RBBP8NL: variants seen among roughly 807,000 people sequenced by gnomAD.
The protein encoded by RBBP8NL is RBBP8 N-terminal like, also known as RBBP8 N-terminal-like protein.
In RBBP8NL, 59 loss-of-function variants were observed where a neutral mutation model predicts 62.2. That is an observed-to-expected ratio of 0.95 (90% CI 0.77 to 1.18). The LOEUF (loss-of-function observed/expected upper bound fraction) is 1.18, where lower values mean the gene tolerates loss of function less well. Among genes scored for constraint, RBBP8NL ranks in the 50% most tolerant of loss-of-function variants. RBBP8NL has a pLI of 0.00. For synonymous variants in RBBP8NL, 412 were observed against 394.1 expected (o/e 1.05, Z -0.54); for missense variants, 896 against 899.5 (o/e 1.00, Z 0.05).
chr20:62,415,838 C>T lies in RBBP8NL; in HGVS notation c.494G>A (p.Gly165Asp), dbSNP rs1988551576. 2 of 1,612,422 alleles carry T rather than the reference C, an allele frequency of 1.2e-6. No individual in the cohort carries two copies. Among genetic ancestry groups the T allele is most frequent in the Middle Eastern group, 1.7e-4 (1 of 6,028 alleles). ...GTGGTCTTCCTCAGCCTCCTCGTGG[C>T]CTCCCGGTGGCTTCTCTGTGATGGC... ...WKAITEKPPG[G>D]HEEAEEDHQG... The change falls in exon 7 of 14, where the codon GGC becomes GAC. Residue 165 changes from glycine to aspartate, a missense_variant. Transcript: ENST00000252998.
rs544985213 is a variant in RBBP8NL at position 62,413,975 on chromosome 20, G to A, written c.1376C>T (p.Ala459Val). ...AGGGCTGAGTGACCCATGCTGGCCGGCCGGCTTGGGAGTGTCCTGGCCCCG... is the reference window on the plus strand; with the variant it reads ...AGGGCTGAGTGACCCATGCTGGCCGACCGGCTTGGGAGTGTCCTGGCCCCG... ...RARGQDTPKP[A>V]GQHGSLSPAA... The change falls in exon 10 of 14, where the codon GCC (alanine) becomes GTC (valine). Residue 459 changes from alanine (A) to valine (V), a missense_variant. By Grantham distance (64) the Ala-to-Val change is moderately conservative. Coordinates refer to ENST00000252998, the MANE Select transcript of RBBP8NL (RefSeq NM_080833.3). 170 of 1,570,888 alleles carry A rather than the reference G, an allele frequency of 1.1e-4. 1 individual carries two copies. The East Asian group carries it at 3.7e-3, about 34-fold the overall frequency.
intron 13 of RBBP8NL, 46 bp from the exon 14 acceptor site, chr20:62,411,042 T>C (rs1023658125): frequency 8.5e-6 from 11 of 1,289,360 alleles, no homozygotes; most frequent in Admixed American, 5.2e-5. Flanking sequence ...GTGCCTTCCT[T>C]TGAGGCAACA....
In RBBP8NL at chr20:62,416,900, G is replaced by T. The variant is rs778300243; in HGVS notation, c.201-28C>A. ...GCAGGGATGGGGACGCAGGGGGTGT[G>T]AGGGATGGCACGGAAGCCACAGAGG... On this transcript the variant is annotated intron_variant, in intron 4 of 13. Transcript: ENST00000252998. The T allele has an allele frequency of 1.0e-5, 15 of 1,502,524 alleles. No individual in the cohort carries two copies. In the Middle Eastern group the frequency reaches 1.4e-3, roughly 143 times the overall value. 93.1% of individuals were successfully genotyped at this position (1,502,524 alleles called of 1,614,324 possible).
intron 4 of RBBP8NL, 104 bp downstream of exon 4, chr20:62,417,120 T>C (rs957986363): frequency 6.9e-6 from 6 of 870,376 alleles, no homozygotes; most frequent in Non-Finnish European, 7.1e-6. Flanking sequence ...TGGTTCAGTT[T>C]ATCCTGGAGT....
At chr20:62,411,267 C>G (rs538680862) in intron 13 of RBBP8NL, among the ~76,000 whole-genome samples, 7 of 152,346 alleles carry the variant, frequency 4.6e-5, no homozygotes, top group Non-Finnish European at 7.3e-5. Context: ...CCCTTCCTGC[C>G]TTGGAGGGAG....
At chr20:62,423,428 T>G (rs1407534083) in intron 1 of RBBP8NL, among the ~76,000 whole-genome samples, 1 of 152,108 alleles carries the variant, frequency 6.6e-6, no homozygotes, top group Admixed American at 6.5e-5. Context: ...GGGAGGAAGA[T>G]GTCAGAGCCG....
intron 13 of RBBP8NL, among the ~76,000 whole-genome samples, chr20:62,411,329 C>T (rs1988430555): frequency 6.6e-6 from 1 of 152,168 alleles, no homozygotes; most frequent in Non-Finnish European, 1.5e-5. Context: ...GCAGGCCTGC[C>T]CCCGGGCTAG....
intron 1 of RBBP8NL, among the ~76,000 whole-genome samples, chr20:62,420,414 A>G (rs1001958285): frequency 6.6e-6 from 1 of 151,864 alleles, no homozygotes; most frequent in African/African-American, 2.4e-5. Context: ...TGCACACAAC[A>G]CACATGCACA....
In RBBP8NL at chr20:62,412,548, G is replaced by C. The variant is rs1344527366; in HGVS notation, c.1876+76C>G. On this transcript the variant is annotated intron_variant, in intron 13 of 13. Transcript: ENST00000252998. ...GCCATTCTCCAGGCAGCCAGGAGGA[G>C]AGGTGGCACTGGGGAGAGGTGGGTG... The C allele has an allele frequency of 3.2e-6, 5 of 1,538,934 alleles. No homozygotes were observed. In the Admixed American group the frequency reaches 8.7e-5, roughly 27 times the overall value.
At chr20:62,416,614 T>G (rs896640189) in intron 5 of RBBP8NL, 146 bp downstream of exon 5, 4 of 629,376 alleles carry the variant, frequency 6.4e-6, no homozygotes, top group Non-Finnish European at 1.1e-5. Context: ...TGTGTGTTTG[T>G]CTGTAGATTG....
At chr20:62,425,743 C>T (rs950617881) in intron 1 of RBBP8NL, among the ~76,000 whole-genome samples, 4 of 152,264 alleles carry the variant, frequency 2.6e-5, no homozygotes, top group African/African-American at 4.8e-5. Context: ...CAGCCACCGA[C>T]CCCCAGCAGG....
At position 62,416,558 on chromosome 20, in the gene RBBP8NL, G is replaced by A. The variant is rs186874198; in HGVS notation, c.313+202C>T. Among the ~76,000 whole-genome samples, 33 of 152,332 alleles carry A rather than the reference G, an allele frequency of 2.2e-4. 1 individual carries two copies. The highest frequency in any genetic ancestry group is 7.7e-4 in the African/African-American group (32 of 41,580). ...CCGGGATGCCCCCAGCCCAGGGGAG[G>A]GAGGCTGTGTTGAGGGAGGGCCACA... On this transcript the variant is annotated intron_variant, in intron 5 of 13. Coordinates refer to ENST00000252998, the MANE Select transcript of RBBP8NL (RefSeq NM_080833.3).
chr20:62,426,887 G>A lies in RBBP8NL; in HGVS notation c.-84+573C>T, dbSNP rs953351088. Among the ~76,000 whole-genome samples the A allele has an allele frequency of 4.6e-5, 7 of 152,352 alleles. No individual in the cohort carries two copies. The South Asian group carries it at 8.3e-4, about 18-fold the overall frequency. On this transcript the variant is annotated intron_variant, in intron 1 of 13. Transcript: ENST00000252998. Reference sequence around the variant, plus strand: ...CAGCCCTGCAACCTGACTCCCTCCCGGAGGTGGAGGTGGGCCGGGCTGCTC... The same window carrying A: ...CAGCCCTGCAACCTGACTCCCTCCCAGAGGTGGAGGTGGGCCGGGCTGCTC...
chr20:62,411,331 C>T (rs1988430600), intron 13 of RBBP8NL, among the ~76,000 whole-genome samples: 2 of 152,246 alleles, frequency 1.3e-5, no homozygotes, highest in African/African-American at 4.8e-5. Flanking sequence ...AGGCCTGCCC[C>T]CGGGCTAGGG....
intron 3 of RBBP8NL, among the ~76,000 whole-genome samples, chr20:62,417,714 A>G (rs532803939): frequency 1.3e-4 from 6 of 45,920 alleles, no homozygotes; most frequent in African/African-American, 5.6e-4. Flanking sequence ...CTGTCCACGC[A>G]ACGCCCCCCC....
intron 13 of RBBP8NL, 124 bp from the exon 14 acceptor site, chr20:62,411,120 C>T (rs1988425105): frequency 1.5e-6 from 1 of 685,388 alleles, no homozygotes; most frequent in East Asian, 2.5e-5. Flanking sequence ...GGGAAGTTTG[C>T]TGGCCACCCT....
chr20:62,413,738 G>T, intron 10 of RBBP8NL, 83 bp downstream of exon 10: 1 of 1,478,996 alleles, frequency 6.8e-7, no homozygotes, highest in Non-Finnish European at 9.0e-7. Flanking sequence ...GAAAAGAGCA[G>T]CCCGAGGTCT....
intron 1 of RBBP8NL, among the ~76,000 whole-genome samples, chr20:62,424,315 G>A (rs1248137788): frequency 6.6e-6 from 1 of 152,058 alleles, no homozygotes; most frequent in Non-Finnish European, 1.5e-5. Flanking sequence ...AGGTGTGAGG[G>A]GCGCATGTCT....
chr20:62,427,229 G>T (rs906687637), intron 1 of RBBP8NL, among the ~76,000 whole-genome samples: 2 of 152,218 alleles, frequency 1.3e-5, no homozygotes, highest in Admixed American at 1.3e-4. Flanking sequence ...TGGCCTCTTT[G>T]CACCCAGCTC....
Sources: gnomAD v4.1 joint callset for allele counts (sites outside exome capture counted in the v4.1 genomes callset) on GRCh38, gnomAD v4.1.1 for gene constraint, MANE v1.5 for transcripts, NCBI Gene and HGNC (gene_info 2026-07-23, HGNC 2026-07-21) for gene names.